The following PRKG1 variants were observed in gnomAD, a reference collection of about 807,000 sequenced individuals.
PRKG1 encodes protein kinase cGMP-dependent 1, also known as cGMP-dependent protein kinase 1.
Under a neutral mutation model 88.1 loss-of-function variants are expected in PRKG1, and 35 were observed. The observed-to-expected ratio is 0.40, with a 90% CI of 0.30 to 0.53. PRKG1 has a LOEUF of 0.53. Ranked by LOEUF, PRKG1 falls within the 20% of genes least tolerant of loss-of-function variation. The pLI is 0.59. For missense variants in PRKG1, 540 were observed against 839.8 expected (o/e 0.64, Z 4.41); for synonymous variants, 303 against 292.5 (o/e 1.04, Z -0.37).
intron 4 of PRKG1, among the ~76,000 whole-genome samples, chr10:51,827,271 G>T (rs1310516314): frequency 6.6e-6 from 1 of 152,068 alleles, no homozygotes; most frequent in African/African-American, 2.4e-5. Flanking sequence ...TATGAAAAAG[G>T]TTTGAAAGAG....
At chr10:51,728,345 G>A (rs753812346) in intron 3 of PRKG1, among the ~76,000 whole-genome samples, 3 of 151,446 alleles carry the variant, frequency 2.0e-5, no homozygotes, top group Non-Finnish European at 4.4e-5. Flanking sequence ...ATAAATCTAT[G>A]GAAAATGCTT....
intron 4 of PRKG1, among the ~76,000 whole-genome samples, chr10:51,835,219 G>A (rs567033491): frequency 6.6e-6 from 1 of 152,312 alleles, no homozygotes; most frequent in African/African-American, 2.4e-5. Flanking sequence ...GATCTGGCAG[G>A]TGGTACTTGA....
intron 16 of PRKG1, 94 bp downstream of exon 16, chr10:52,289,087 C>G: frequency 2.5e-6 from 3 of 1,211,338 alleles, no homozygotes; most frequent in Non-Finnish European, 3.5e-6. Context: ...TATAATTAGC[C>G]TATAGGAACA....
chr10:52,198,742 T>C (rs1442789118), intron 9 of PRKG1, among the ~76,000 whole-genome samples: 3 of 152,088 alleles, frequency 2.0e-5, no homozygotes, highest in African/African-American at 7.2e-5. Context: ...TGGTGGCTAC[T>C]GGCATTCCGT....
intron 2 of PRKG1, among the ~76,000 whole-genome samples, chr10:51,224,381 T>C (rs1457871003): frequency 6.6e-6 from 1 of 152,204 alleles, no homozygotes; most frequent in Non-Finnish European, 1.5e-5. Flanking sequence ...TCAGCCTTGT[T>C]CCCATCCTAT....
chr10:51,003,786 A>T (rs1421168494), intron 1 of PRKG1, among the ~76,000 whole-genome samples: 1 of 152,136 alleles, frequency 6.6e-6, no homozygotes, highest in Admixed American at 6.5e-5. Flanking sequence ...GCTTATTTGG[A>T]GGGTTTTATT....
chr10:51,317,910 T>C (rs1841363889), intron 2 of PRKG1, among the ~76,000 whole-genome samples: 1 of 152,208 alleles, frequency 6.6e-6, no homozygotes, highest in South Asian at 2.1e-4. Context: ...AATGGGCATT[T>C]GTACCTGCCA....
intron 2 of PRKG1, among the ~76,000 whole-genome samples, chr10:51,392,605 A>C (rs1588908602): frequency 1.3e-5 from 2 of 150,252 alleles, no homozygotes; most frequent in East Asian, 2.0e-4. Context: ...ATTCCACAAA[A>C]CCGCCATTGT....
intron 2 of PRKG1, among the ~76,000 whole-genome samples, chr10:51,223,258 G>C (rs1211888936): frequency 6.6e-6 from 1 of 151,958 alleles, no homozygotes. Flanking sequence ...TCTAGGAAAA[G>C]AGAGAACATT....
At chr10:51,969,190 T>C (rs1314853787) in intron 5 of PRKG1, among the ~76,000 whole-genome samples, 1 of 152,188 alleles carries the variant, frequency 6.6e-6, no homozygotes, top group Non-Finnish European at 1.5e-5. Context: ...GTAAATCTCA[T>C]CTAGACAATT....
chr10:51,087,649 T>C (rs1844286460), intron 1 of PRKG1, among the ~76,000 whole-genome samples: 1 of 152,258 alleles, frequency 6.6e-6, no homozygotes, highest in Non-Finnish European at 1.5e-5. Flanking sequence ...TTTAATATAC[T>C]GTATACCCAT....
intron 5 of PRKG1, among the ~76,000 whole-genome samples, chr10:51,944,090 CTT>C (rs1842970845): frequency 6.6e-6 from 1 of 151,864 alleles, no homozygotes; most frequent in South Asian, 2.1e-4. Context: ...GTCCTGGACT[CTT>C]TTTGGTTAGT....
chr10:52,142,636 C>T (rs1034887751), intron 8 of PRKG1, among the ~76,000 whole-genome samples: 5 of 152,146 alleles, frequency 3.3e-5, no homozygotes, highest in East Asian at 1.9e-4. Context: ...AAGAACCTCA[C>T]GAGTCACATC....
chr10:51,170,344 G>C (rs908150623), intron 2 of PRKG1, among the ~76,000 whole-genome samples: 2 of 151,724 alleles, frequency 1.3e-5, no homozygotes, highest in Admixed American at 6.6e-5. Context: ...TCAGGCTTGT[G>C]GTCATTTCTC....
At chr10:51,155,578 A>G (rs1335252638) in intron 2 of PRKG1, among the ~76,000 whole-genome samples, 1 of 151,958 alleles carries the variant, frequency 6.6e-6, no homozygotes, top group Non-Finnish European at 1.5e-5. Flanking sequence ...GCTATGTATT[A>G]GTCAGGACTC....
intron 5 of PRKG1, among the ~76,000 whole-genome samples, chr10:52,037,336 A>G (rs755611603): frequency 6.6e-6 from 1 of 152,248 alleles, no homozygotes; most frequent in Non-Finnish European, 1.5e-5. Flanking sequence ...CAGTGGAGGC[A>G]AGGAATTGCA....
At chr10:51,373,085 T>C (rs1206952384) in intron 2 of PRKG1, among the ~76,000 whole-genome samples, 1 of 152,180 alleles carries the variant, frequency 6.6e-6, no homozygotes, top group East Asian at 1.9e-4. Context: ...TATCCATCCA[T>C]CCATCGATTC....
At chr10:51,932,489 A>G (rs1191736041) in intron 5 of PRKG1, among the ~76,000 whole-genome samples, 1 of 152,170 alleles carries the variant, frequency 6.6e-6, no homozygotes, top group Non-Finnish European at 1.5e-5. Flanking sequence ...TTGGCCAAGA[A>G]CACCCACCTA....
At chr10:51,658,038 G>T (rs1840204469) in intron 3 of PRKG1, among the ~76,000 whole-genome samples, 1 of 152,138 alleles carries the variant, frequency 6.6e-6, no homozygotes, top group African/African-American at 2.4e-5. Context: ...AGAATCAACA[G>T]CTGGTTATAA....
Sources: gnomAD v4.1 joint callset for allele counts (sites outside exome capture counted in the v4.1 genomes callset) on GRCh38, gnomAD v4.1.1 for gene constraint, MANE v1.5 for transcripts, NCBI Gene and HGNC (gene_info 2026-07-23, HGNC 2026-07-21) for gene names.